Variants in CAST observed in about 807,000 individuals in gnomAD.
CAST encodes calpastatin.
A neutral mutation model predicts 119.6 loss-of-function variants in CAST; 76 were observed. The ratio of observed to expected loss-of-function variants is 0.64; its 90% confidence interval spans 0.53 to 0.77. The LOEUF (loss-of-function observed/expected upper bound fraction) is 0.77, where lower values mean the gene tolerates loss of function less well. Among genes scored for constraint, CAST ranks in the 30% least tolerant of loss-of-function variants. The pLI is 0.00. For missense variants in CAST, 953 were observed against 946.5 expected, an observed-to-expected ratio of 1.01 and a Z score of -0.09; for synonymous variants, 319 against 331.6, an observed-to-expected ratio of 0.96 and a Z score of 0.41.
Position 96,652,520 on chromosome 5 carries a change from A to T in CAST, c.61-23019A>T, listed in dbSNP as rs181520885. Among the ~76,000 whole-genome samples, 379 of 152,298 alleles carry T rather than the reference A, an allele frequency of 2.5e-3. 2 individuals are homozygous for T. Among genetic ancestry groups the T allele is most frequent in the African/African-American group, 8.4e-3 (349 of 41,550 alleles). ...AATTATACATTTAGCCACTCATCCA[A>T]TCAGCTCACAGCACACCTACAGAGA... On this transcript the variant is annotated intron_variant, in intron 1 of 11. Coordinates refer to the CAST transcript ENST00000505143.
Position 96,647,916 on chromosome 5 carries a change from T to C in CAST, c.61-27623T>C, listed in dbSNP as rs115783257. On this transcript the variant is annotated intron_variant, in intron 1 of 11. Transcript: ENST00000505143. ...CCTAAGGACTCTGGATGGGAAATAA[T>C]TGGACAAAAGTGAAAAAGACTCCAG... Among the ~76,000 whole-genome samples the C allele has an allele frequency of 6.0e-3, 918 of 152,286 alleles. 11 individuals carry two copies. Among genetic ancestry groups the C allele is most frequent in the African/African-American group, 0.021 (868 of 41,564 alleles).
the CAST span, among the ~76,000 whole-genome samples, chr5:96,179,249 A>G: frequency 6.6e-6 from 1 of 152,176 alleles, no homozygotes; most frequent in Non-Finnish European, 1.5e-5. Flanking sequence ...AAAAAATAAA[A>G]TCAAAACTCC....
At chr5:96,646,921 A>C (rs1748021181) in intron 1 of CAST, among the ~76,000 whole-genome samples, 1 of 152,248 alleles carries the variant, frequency 6.6e-6, no homozygotes, top group Non-Finnish European at 1.5e-5. Flanking sequence ...TAGGAGGTGA[A>C]GGTGAAACTG....
Position 96,766,050 on chromosome 5 carries a change from T to A in CAST, c.2038-3T>A, listed in dbSNP as rs750205580. On this transcript the variant is annotated splice_polypyrimidine_tract_variant and splice_region_variant and intron_variant, in intron 26 of 31. Transcript: ENST00000675179. ...TAATTCTATCTGCTCACTGTTGATA[T>A]AGGAAAAAGCTAAAGCTGAACATAG... The A allele has an allele frequency of 2.6e-6, 4 of 1,557,752 alleles. No homozygotes were observed. In the South Asian group the frequency reaches 4.5e-5, roughly 17 times the overall value.
chr5:96,066,976 C>T, the CAST span, among the ~76,000 whole-genome samples: 1 of 152,058 alleles, frequency 6.6e-6, no homozygotes, highest in African/African-American at 2.4e-5. Flanking sequence ...CCTGTTATTT[C>T]TTAAGTGATT....
At chr5:96,179,437 A>G in the CAST span, among the ~76,000 whole-genome samples, 1 of 152,120 alleles carries the variant, frequency 6.6e-6, no homozygotes, top group South Asian at 2.1e-4. Context: ...CCTCTTCCTG[A>G]CCCTCATCAC....
chr5:96,254,539 C>CT, the CAST span, among the ~76,000 whole-genome samples: 1 of 152,186 alleles, frequency 6.6e-6, no homozygotes, highest in East Asian at 1.9e-4. Flanking sequence ...ATATTCCTTT[C>CT]TTATTTAATT....
intron 29 of CAST, 135 bp from the exon 30 acceptor site, chr5:96,770,396 A>C: frequency 1.6e-6 from 1 of 606,948 alleles, no homozygotes; most frequent in Non-Finnish European, 3.0e-6. Context: ...AAAATCATGA[A>C]AAAACACCCA....
the CAST span, among the ~76,000 whole-genome samples, chr5:96,196,609 A>G: frequency 6.6e-6 from 1 of 152,214 alleles, no homozygotes; most frequent in Non-Finnish European, 1.5e-5. Flanking sequence ...TGAGGAAGAA[A>G]TAGCCAGTGC....
At chr5:96,094,474 C>T in the CAST span, among the ~76,000 whole-genome samples, 3 of 151,700 alleles carry the variant, frequency 2.0e-5, no homozygotes, top group Admixed American at 6.6e-5. Context: ...TCCATTACTG[C>T]CATATCTCCT....
the CAST span, among the ~76,000 whole-genome samples, chr5:96,502,098 G>T: frequency 1.3e-5 from 2 of 152,022 alleles, no homozygotes; most frequent in African/African-American, 2.4e-5. Flanking sequence ...AACACAATTG[G>T]CAAGATTGAT....
chr5:96,582,706 C>A (rs998519427), intron 1 of CAST, among the ~76,000 whole-genome samples: 55 of 152,282 alleles, frequency 3.6e-4, no homozygotes, highest in African/African-American at 1.2e-3. Flanking sequence ...GTTTCTGGGG[C>A]TCAGCAAGCA....
At chr5:95,993,967 G>C in the CAST span, among the ~76,000 whole-genome samples, 10 of 151,924 alleles carry the variant, frequency 6.6e-5, no homozygotes, top group Middle Eastern at 3.4e-3. Context: ...TTAAATTAAA[G>C]AGATACCACT....
rs190004811 is a variant in CAST at position 96,754,553 on chromosome 5, C to T, written c.1627-105C>T. 864 of 727,494 alleles carry T rather than the reference C, an allele frequency of 1.2e-3. 2 individuals carry two copies. The highest frequency in any genetic ancestry group is 1.5e-3 in the Non-Finnish European group (601 of 412,014). The allele number at this position is 727,494 out of a possible 1,614,324, so 45.1% of individuals were successfully genotyped here. On this transcript the variant is annotated intron_variant, in intron 21 of 31. Transcript: ENST00000675179. Reference sequence around the variant, plus strand: ...CTAAGCATACGGTCATATGTACTTCCTAACCTAATGATAGATTTGTTTACC... The same window carrying T: ...CTAAGCATACGGTCATATGTACTTCTTAACCTAATGATAGATTTGTTTACC...
At chr5:96,558,334 A>G (rs1746285334) in intron 1 of CAST, among the ~76,000 whole-genome samples, 1 of 152,104 alleles carries the variant, frequency 6.6e-6, no homozygotes, top group South Asian at 2.1e-4. Context: ...AAGCTAGCAG[A>G]AGGCAAGAAA....
the CAST span, among the ~76,000 whole-genome samples, chr5:96,080,469 G>T: frequency 6.6e-6 from 1 of 152,146 alleles, no homozygotes; most frequent in African/African-American, 2.4e-5. Flanking sequence ...TGAGAGTAAA[G>T]TTCCTGACCA....
At chr5:96,430,582 T>C in the CAST span, among the ~76,000 whole-genome samples, 1 of 152,176 alleles carries the variant, frequency 6.6e-6, no homozygotes, top group Admixed American at 6.5e-5. Flanking sequence ...AGCTTTATCC[T>C]GAGGCAATAA....
the CAST span, among the ~76,000 whole-genome samples, chr5:96,168,818 G>A: frequency 1.3e-5 from 2 of 152,182 alleles, no homozygotes; most frequent in African/African-American, 4.8e-5. Flanking sequence ...TCAACAAAGA[G>A]TGAGTATAGC....
chr5:96,287,453 AC>A, the CAST span, among the ~76,000 whole-genome samples: 1 of 152,070 alleles, frequency 6.6e-6, no homozygotes, highest in Non-Finnish European at 1.5e-5. Flanking sequence ...CATTCAAGTA[AC>A]CCTTCAGACC....
Sources: gnomAD v4.1 joint callset for allele counts (sites outside exome capture counted in the v4.1 genomes callset) on GRCh38, gnomAD v4.1.1 for gene constraint, MANE v1.5 for transcripts, NCBI Gene and HGNC (gene_info 2026-07-23, HGNC 2026-07-21) for gene names.